The following GPR63 variants were observed in gnomAD, a reference collection of about 807,000 sequenced individuals.
The protein encoded by GPR63 is probable G protein-coupled receptor 63.
Under a neutral mutation model 23.1 loss-of-function variants are expected in GPR63, and 12 were observed. The ratio of observed to expected loss-of-function variants is 0.52; its 90% confidence interval spans 0.33 to 0.84. GPR63 has a LOEUF of 0.84. GPR63 is among the 40% of genes least tolerant of loss of function. GPR63 has a pLI of 0.02. For synonymous variants in GPR63, 172 were observed against 191.1 expected, an observed-to-expected ratio of 0.90 and a Z score of 0.82; for missense variants, 472 against 515.6, an observed-to-expected ratio of 0.92 and a Z score of 0.82.
At position 96,797,994 on chromosome 6, in the gene GPR63, C is replaced by A. The variant is rs778143958; in HGVS notation, c.*478G>T. 6.5e-6 allele frequency: 1 copy of A among 154,008 alleles called. No homozygotes were observed. The highest frequency in any genetic ancestry group is 1.4e-5 in the Non-Finnish European group (1 of 69,170). The allele number at this position is 154,008 out of a possible 1,614,324, so 9.5% of individuals were successfully genotyped here. On this transcript the variant is annotated 3_prime_UTR_variant, in exon 2 of 2. Coordinates refer to ENST00000229955, the MANE Select transcript of GPR63 (RefSeq NM_030784.4). ...GTAATGACCCTTAAAATGTCGCTAA[C>A]CTTCCTGGGTTAGTTTTTAAAATAA...
chr6:96,798,993 A>C lies in GPR63; in HGVS notation c.739T>G (p.Ser247Ala). ...AAGGGTATGAAGAAAGAAATGAGAGAAATCAAAATCACATAAGCCTGGTAG... is the reference window on the plus strand; with the variant it reads ...AAGGGTATGAAGAAAGAAATGAGAGCAATCAAAATCACATAAGCCTGGTAG... ...PGYQAYVILISLISFFIPFLV... is the reference protein window; with the variant it reads ...PGYQAYVILIALISFFIPFLV... The change falls in exon 2 of 2, where the codon TCT becomes GCT. Residue 247 changes from serine to alanine, a missense_variant. Transcript: ENST00000229955. 6.2e-7 allele frequency: 1 copy of C among 1,614,142 alleles called. No homozygotes were observed. The highest frequency in any genetic ancestry group is 8.5e-7 in the Non-Finnish European group (1 of 1,180,016).
intron 1 of GPR63, among the ~76,000 whole-genome samples, chr6:96,810,498 A>G (rs770625426): frequency 5.5e-4 from 37 of 67,266 alleles, no homozygotes; most frequent in Admixed American, 9.1e-4. Context: ...CCGTCCCAGG[A>G]AAAAAAAAAA....
chr6:96,829,717 T>C (rs1005846771), intron 1 of GPR63, among the ~76,000 whole-genome samples: 5 of 151,776 alleles, frequency 3.3e-5, no homozygotes, highest in African/African-American at 4.8e-5. Flanking sequence ...AAGAAAATAC[T>C]TAGAATTGTA....
intron 1 of GPR63, among the ~76,000 whole-genome samples, chr6:96,834,332 C>T (rs1186418033): frequency 6.6e-6 from 1 of 152,154 alleles, no homozygotes. Context: ...TGTGGATCAT[C>T]TAGTTCAAAT....
intron 1 of GPR63, among the ~76,000 whole-genome samples, chr6:96,802,611 C>T (rs1488037386): frequency 6.8e-6 from 1 of 147,584 alleles, no homozygotes; most frequent in African/African-American, 2.5e-5. Context: ...ACAGTCTTGG[C>T]TCACTACAAG....
At chr6:96,813,354 C>A (rs1774089918) in intron 1 of GPR63, among the ~76,000 whole-genome samples, 2 of 152,038 alleles carry the variant, frequency 1.3e-5, no homozygotes, top group South Asian at 4.2e-4. Context: ...GAATATATAC[C>A]CAGCACTGAA....
rs547745147 is a variant in GPR63 at position 96,798,162 on chromosome 6, G to C, written c.*310C>G. The C allele has an allele frequency of 1.7e-4, 45 of 262,182 alleles. No individual in the cohort carries two copies. In the South Asian group the frequency reaches 1.8e-3, roughly 10 times the overall value. The allele number at this position is 262,182 out of a possible 1,614,324, so 16.2% of individuals were successfully genotyped here. A position where few individuals can be genotyped will look rare whatever the true frequency, so the allele number is the denominator to read the frequency against. ...ACACCTACAATTCAATGTAACTGCA[G>C]GCTCAATAAAGCACAATCCTGATTC... On this transcript the variant is annotated 3_prime_UTR_variant, in exon 2 of 2. Transcript: ENST00000229955.
chr6:96,830,437 T>C (rs979611108), intron 1 of GPR63, among the ~76,000 whole-genome samples: 1 of 152,160 alleles, frequency 6.6e-6, no homozygotes, highest in African/African-American at 2.4e-5. Context: ...TTATTTGAGA[T>C]AGTAAAAAGG....
chr6:96,794,424 T>C lies in GPR63; in HGVS notation c.*4048A>G, dbSNP rs1773530099. 1 of 152,166 alleles carries C rather than the reference T, an allele frequency of 6.6e-6. No homozygotes were observed. Among genetic ancestry groups the C allele is most frequent in the Non-Finnish European group, 1.5e-5 (1 of 68,018 alleles). 9.4% of individuals were successfully genotyped at this position (152,166 alleles called of 1,614,324 possible). On this transcript the variant is annotated 3_prime_UTR_variant, in exon 2 of 2. Transcript: ENST00000229955. ...AGGCAGTTTAGCAGGACTATAGTTG[T>C]GAAAATAAATCTGAATGTAGCCATT...
At chr6:96,800,665 T>A (rs1773740418) in intron 1 of GPR63, among the ~76,000 whole-genome samples, 1 of 152,340 alleles carries the variant, frequency 6.6e-6, no homozygotes, top group Middle Eastern at 3.4e-3. Context: ...CTCTCTTTGC[T>A]TCTCATAGTC....
intron 1 of GPR63, among the ~76,000 whole-genome samples, chr6:96,804,470 T>C (rs1773847626): frequency 6.6e-6 from 1 of 152,194 alleles, no homozygotes; most frequent in Admixed American, 6.5e-5. Flanking sequence ...CTGATAAATA[T>C]TTAGATAACT....
At position 96,816,131 on chromosome 6, in the gene GPR63, TA is replaced by T. The variant is rs1202283572; in HGVS notation, c.-150-16251del. 7.2e-5 allele frequency among the ~76,000 whole-genome samples: 11 copies of T among 152,218 alleles called. No individual in the cohort carries two copies. The East Asian group carries it at 1.3e-3, about 19-fold the overall frequency. On this transcript the variant is annotated intron_variant, in intron 1 of 1. Transcript: ENST00000229955. ...GGCAATATTACACATTAAAAATTCT[TA>T]AAAATCAATGAATAATAATGTATAT... is the stretch of plus-strand genomic sequence containing the variant.
At chr6:96,830,928 C>T (rs547383644) in intron 1 of GPR63, among the ~76,000 whole-genome samples, 3 of 152,220 alleles carry the variant, frequency 2.0e-5, no homozygotes, top group Non-Finnish European at 4.4e-5. Context: ...GACGAAGTTT[C>T]ATATTATTGA....
chr6:96,810,568 C>T (rs1774016734), intron 1 of GPR63, among the ~76,000 whole-genome samples: 1 of 150,358 alleles, frequency 6.7e-6, no homozygotes, highest in East Asian at 1.9e-4. Context: ...ATGCAGCTAT[C>T]ACAAACAATA....
chr6:96,806,334 C>T (rs1226617335), intron 1 of GPR63, among the ~76,000 whole-genome samples: 1 of 152,192 alleles, frequency 6.6e-6, no homozygotes, highest in Non-Finnish European at 1.5e-5. Context: ...TACAGAGACA[C>T]AGCATCTAGC....
chr6:96,834,573 A>C (rs1177139944), intron 1 of GPR63, among the ~76,000 whole-genome samples: 5 of 152,146 alleles, frequency 3.3e-5, no homozygotes, highest in Non-Finnish European at 4.4e-5. Flanking sequence ...GTTGCAAAAA[A>C]AAAAAGGAAA....
chr6:96,813,242 T>C (rs1403173970), intron 1 of GPR63, among the ~76,000 whole-genome samples: 2 of 152,190 alleles, frequency 1.3e-5, no homozygotes, highest in Non-Finnish European at 2.9e-5. Flanking sequence ...CTTTGTCTGT[T>C]GATGGACATT....
At chr6:96,807,423 T>G (rs1346869270) in intron 1 of GPR63, among the ~76,000 whole-genome samples, 1 of 152,222 alleles carries the variant, frequency 6.6e-6, no homozygotes, top group African/African-American at 2.4e-5. Flanking sequence ...GCCAGCTACT[T>G]GGTGACGAGT....
chr6:96,819,249 G>C (rs1774237917), intron 1 of GPR63, among the ~76,000 whole-genome samples: 1 of 152,138 alleles, frequency 6.6e-6, no homozygotes, highest in East Asian at 1.9e-4. Context: ...ATTTACAATA[G>C]CAAAGACTTG....
Sources: allele counts gnomAD v4.1 joint callset (sites outside exome capture counted in the v4.1 genomes callset), GRCh38; gene constraint gnomAD v4.1.1; transcripts MANE v1.5; gene names NCBI Gene and HGNC (gene_info 2026-07-23, HGNC 2026-07-21).